Variants in RHCE observed in about 807,000 individuals in gnomAD.
RHCE encodes the protein blood group Rh(CE) polypeptide.
In RHCE, 22 loss-of-function variants were observed where a neutral mutation model predicts 43.8. The ratio of observed to expected loss-of-function variants is 0.50; its 90% CI spans 0.36 to 0.72. RHCE has a LOEUF of 0.72. Ranked by LOEUF, RHCE falls within the 30% of genes least tolerant of loss-of-function variation. The pLI, the probability that RHCE is intolerant of heterozygous loss-of-function variation, is 0.00. For missense variants in RHCE, 385 were observed against 525.4 expected (o/e 0.73, Z 2.61); for synonymous variants, 156 against 210.7 (o/e 0.74, Z 2.25).
chr1:25,389,891 G>T (rs376828043), intron 5 of RHCE, among the ~76,000 whole-genome samples: 88 of 152,140 alleles, frequency 5.8e-4, no homozygotes, highest in African/African-American at 2.0e-3. Context: ...TTTAGCCTCT[G>T]AGCTTCCCTG....
At chr1:25,391,000 G>C in intron 4 of RHCE, 85 bp from the exon 5 acceptor site, 1 of 1,580,676 alleles carries the variant, frequency 6.3e-7, no homozygotes, top group South Asian at 1.1e-5. Flanking sequence ...GAGAATCCTA[G>C]GGCTGGAGAG....
At chr1:25,427,705 C>T (rs2042816330) in intron 2 of RHCE, among the ~76,000 whole-genome samples, 1 of 152,262 alleles carries the variant, frequency 6.6e-6, no homozygotes, top group Non-Finnish European at 1.5e-5. Flanking sequence ...CTCTACCCAT[C>T]AATAGCTATA....
intron 4 of RHCE, among the ~76,000 whole-genome samples, 155 bp downstream of exon 4, chr1:25,391,839 T>C (rs1646376994): frequency 1.3e-5 from 2 of 152,136 alleles, no homozygotes. Flanking sequence ...AAGGTATGAA[T>C]TTAGCAAACA....
chr1:25,422,281 T>C (rs960156191), upstream of RHCE, among the ~76,000 whole-genome samples: 23 of 152,248 alleles, frequency 1.5e-4, no homozygotes, highest in African/African-American at 4.6e-4. Flanking sequence ...TCTGAACATA[T>C]GCAGGAAAAG....
At chr1:25,413,370 T>C (rs1386794670) in intron 1 of RHCE, among the ~76,000 whole-genome samples, 2 of 152,144 alleles carry the variant, frequency 1.3e-5, no homozygotes, top group South Asian at 4.1e-4. Context: ...CAGGGCTGGG[T>C]CCCAGCTTGG....
intron 6 of RHCE, 55 bp from the exon 7 acceptor site, chr1:25,385,899 C>T: frequency 1.9e-6 from 3 of 1,613,502 alleles, no homozygotes; most frequent in Non-Finnish European, 2.5e-6. Context: ...TATTCCCTAC[C>T]CACCCCTTTC....
At chr1:25,385,639 G>A (rs1646130952) in intron 7 of RHCE, 72 bp downstream of exon 7, 2 of 1,610,418 alleles carry the variant, frequency 1.2e-6, no homozygotes, top group Non-Finnish European at 1.7e-6. Context: ...CCCCAGCTAA[G>A]GACTCTGCAC....
At chr1:25,402,964 G>A (rs28654382) in intron 2 of RHCE, among the ~76,000 whole-genome samples, 9,936 of 151,632 alleles carry the variant, frequency 0.066, 929 homozygotes, top group African/African-American at 0.22. Flanking sequence ...ATGTGGTCTG[G>A]CAGATGACTT....
intron 6 of RHCE, among the ~76,000 whole-genome samples, 172 bp from the exon 7 acceptor site, chr1:25,386,016 T>C (rs753455612): frequency 6.6e-6 from 1 of 152,162 alleles, no homozygotes; most frequent in Non-Finnish European, 1.5e-5. Context: ...GGGGAGTTTG[T>C]TGAAATGAAG....
upstream of RHCE, among the ~76,000 whole-genome samples, chr1:25,425,037 G>A (rs1304259701): frequency 1.3e-5 from 2 of 152,028 alleles, no homozygotes; most frequent in Admixed American, 6.5e-5. Context: ...GGCTGGTCTC[G>A]AACTCCTGAC....
At chr1:25,412,347 T>C (rs979529171) in intron 1 of RHCE, among the ~76,000 whole-genome samples, 1 of 152,172 alleles carries the variant, frequency 6.6e-6, no homozygotes, top group Non-Finnish European at 1.5e-5. Flanking sequence ...AGCTCTGGAA[T>C]ATTCCAAAGA....
rs189381930 is a variant in RHCE, at chr1:25,370,628, C to T, written c.1154-88G>A. On this transcript the variant is annotated intron_variant, in intron 8 of 9. Transcript: ENST00000294413. The stretch of plus-strand genomic sequence containing the variant: ...AATCAAAATATTGTGTGTGTCAAAA[C>T]GACAGTGTCTCAACAGAAATCCTTT... The T allele has an allele frequency of 4.0e-5, 47 of 1,167,420 alleles. 2 individuals are homozygous for T. Among genetic ancestry groups the T allele is most frequent in the Admixed American group, 4.0e-4 (22 of 54,734 alleles). The allele number at this position is 1,167,420 out of a possible 1,614,324, so 72.3% of individuals were successfully genotyped here.
At chr1:25,389,932 T>TCTTA (rs1339834781) in intron 5 of RHCE, among the ~76,000 whole-genome samples, 1 of 152,064 alleles carries the variant, frequency 6.6e-6, no homozygotes, top group Non-Finnish European at 1.5e-5. Context: ...TTGCTAGGTG[T>TCTTA]CTTAGACTTT....
chr1:25,374,530 G>A (rs1323873012), intron 8 of RHCE, among the ~76,000 whole-genome samples: 1 of 148,920 alleles, frequency 6.7e-6, no homozygotes, highest in Non-Finnish European at 1.5e-5. Context: ...CTTTTATAAG[G>A]GCCTGCTCCT....
intron 7 of RHCE, among the ~76,000 whole-genome samples, chr1:25,384,448 T>C (rs1229091113): frequency 2.0e-5 from 3 of 152,030 alleles, no homozygotes; most frequent in Non-Finnish European, 4.4e-5. Flanking sequence ...AGTAGGACCT[T>C]GCTAGGTCAA....
At chr1:25,416,810 T>TA (rs1647511619) in intron 1 of RHCE, among the ~76,000 whole-genome samples, 1 of 92,484 alleles carries the variant, frequency 1.1e-5, no homozygotes, top group South Asian at 2.6e-4. Flanking sequence ...TTTTTTTTTT[T>TA]AGAGATGGCG....
At chr1:25,417,360 C>G (rs1647627256) in intron 1 of RHCE, among the ~76,000 whole-genome samples, 1 of 152,112 alleles carries the variant, frequency 6.6e-6, no homozygotes, top group African/African-American at 2.4e-5. Context: ...ACTCAACAAA[C>G]TTTCACAAAA....
At chr1:25,392,562 C>CTTTT (rs1211993147) in intron 3 of RHCE, among the ~76,000 whole-genome samples, 7 of 66,384 alleles carry the variant, frequency 1.1e-4, no homozygotes, top group Admixed American at 2.5e-4. Context: ...TGCCCGGCCT[C>CTTTT]TTTTTTTTTT....
chr1:25,390,719 A>G, intron 5 of RHCE, 30 bp downstream of exon 5: 1 of 1,613,994 alleles, frequency 6.2e-7, no homozygotes, highest in South Asian at 1.1e-5. Flanking sequence ...GTTAGACCCA[A>G]GTGCTGCCCA....
Sources: allele counts gnomAD v4.1 joint callset (sites outside exome capture counted in the v4.1 genomes callset), GRCh38; gene constraint gnomAD v4.1.1; transcripts MANE v1.5; gene names NCBI Gene and HGNC (gene_info 2026-07-23, HGNC 2026-07-21).